ABCG4: variants seen among roughly 807,000 people sequenced by gnomAD.
The protein encoded by ABCG4 is ATP-binding cassette sub-family G member 4.
In ABCG4, 35 loss-of-function variants were observed where a neutral mutation model predicts 64.6. The observed-to-expected ratio is 0.54, with a 90% confidence interval of 0.41 to 0.72. The LOEUF is 0.72. ABCG4 is among the 30% of genes least tolerant of loss of function. The pLI, the probability that ABCG4 is intolerant of heterozygous loss-of-function variation, is 0.00. For missense variants in ABCG4, 610 were observed against 846.3 expected (o/e 0.72, Z 3.46); for synonymous variants, 326 against 348.2 (o/e 0.94, Z 0.71).
At position 119,149,843 on chromosome 11, in the gene ABCG4, C is replaced by T; in HGVS notation, c.-12-111C>T. ...GAGTGCGGGGCTAACAGTCGCGGAT[C>T]TGCCCCGAGAAGGAGGTGGGCAGTG... is the stretch of plus-strand genomic sequence containing the variant. On this transcript the variant is annotated intron_variant, in intron 1 of 14. Transcript: ENST00000619701. The surrounding 1 kb of genome is among the most constrained non-coding windows in gnomAD (Gnocchi z 8.3). The T allele has an allele frequency of 7.0e-7, 1 of 1,436,706 alleles. No homozygotes were observed. The highest frequency in any genetic ancestry group is 1.4e-5 in the South Asian group (1 of 72,598). The allele number at this position is 1,436,706 out of a possible 1,614,324, so 89.0% of individuals were successfully genotyped here.
rs1948291849 is a variant in ABCG4 at position 119,158,170 on chromosome 11, G to A, written c.1069-64G>A. Reference sequence around the variant, plus strand: ...AGCTCTGAGGTTTTTCATTCACTGAGCTGGGTGTTCTGTGGGTGAATGGGG... The same window carrying A: ...AGCTCTGAGGTTTTTCATTCACTGAACTGGGTGTTCTGTGGGTGAATGGGG... On this transcript the variant is annotated intron_variant, in intron 9 of 14. Transcript: ENST00000619701. The surrounding 1 kb of genome is among the most constrained non-coding windows in gnomAD (Gnocchi z 4.5). The A allele has an allele frequency of 2.2e-6, 3 of 1,344,268 alleles. No homozygotes were observed. Among genetic ancestry groups the A allele is most frequent in the Non-Finnish European group, 3.1e-6 (3 of 975,356 alleles). The allele number at this position is 1,344,268 out of a possible 1,614,324, so 83.3% of individuals were successfully genotyped here. A position where few individuals can be genotyped will look rare whatever the true frequency, so the allele number is the denominator to read the frequency against.
Position 119,156,890 on chromosome 11 carries a change from G to C in ABCG4, c.944G>C (p.Gly315Ala), listed in dbSNP as rs1156740857. 6.2e-7 allele frequency: 1 copy of C among 1,611,496 alleles called. No homozygotes were observed. The highest frequency in any genetic ancestry group is 1.3e-5 in the African/African-American group (1 of 74,784). ...PADFIIEVAS[G>A]EYGDLNPMLF... ...TCCCCAGTCATCGAGGTGGCCTCTG[G>C]CGAGTATGGAGACCTGAACCCCATG... is the stretch of plus-strand genomic sequence containing the variant. Residue 315 changes from glycine to alanine, a missense_variant, in exon 9 of 15, where the codon GGC becomes GCC. Physicochemically the swap from Gly to Ala is moderately conservative, Grantham distance 60. Transcript: ENST00000619701. This position sits in a 1 kb window ranked among gnomAD's most constrained non-coding sequence, Gnocchi z 5.5.
chr11:119,159,960 T>C (rs546936342), intron 12 of ABCG4, among the ~76,000 whole-genome samples: 13 of 151,972 alleles, frequency 8.6e-5, no homozygotes, highest in African/African-American at 2.9e-4. Context: ...GGAAGGACTT[T>C]AGGCGCTCAG....
Position 119,158,728 on chromosome 11 carries a change from G to A in ABCG4, c.1336+3G>A. The A allele has an allele frequency of 6.2e-7, 1 of 1,614,136 alleles. No individual in the cohort carries two copies. Among genetic ancestry groups the A allele is most frequent in the Non-Finnish European group, 8.5e-7 (1 of 1,180,020 alleles). ...CCTCATGCCAACTGTGCTCACCTGT[G>A]AGCTGAGCTGCCCTGGGCATGGGGC... On this transcript the variant is annotated splice_donor_region_variant and intron_variant, in intron 11 of 14. Transcript: ENST00000619701. This position sits in a 1 kb window ranked among gnomAD's most constrained non-coding sequence, Gnocchi z 4.5.
At chr11:119,157,364 T>C (rs1258353110) in intron 9 of ABCG4, among the ~76,000 whole-genome samples, 1 of 152,190 alleles carries the variant, frequency 6.6e-6, no homozygotes. Context: ...AACTTAGAGA[T>C]GATGATACTC....
At position 119,158,453 on chromosome 11, in the gene ABCG4, G is replaced by C. The variant is rs772400069; in HGVS notation, c.1168-104G>C. ...CACAGCCCTGCAATGTGCCTGTGGG[G>C]TCTCTGTGCCTGTGAGGGCAGCTCC... On this transcript the variant is annotated intron_variant, in intron 10 of 14. Transcript: ENST00000619701. The surrounding 1 kb of genome is among the most constrained non-coding windows in gnomAD (Gnocchi z 4.5). 5 of 1,562,544 alleles carry C rather than the reference G, an allele frequency of 3.2e-6. No individual in the cohort carries two copies. The African/African-American group carries it at 5.4e-5, about 17-fold the overall frequency.
intron 9 of ABCG4, 31 bp downstream of exon 9, chr11:119,157,045 A>C: frequency 6.4e-7 from 1 of 1,568,334 alleles, no homozygotes; most frequent in African/African-American, 1.4e-5. Context: ...CAGAGCAGGC[A>C]TAGTTGGGGA....
Position 119,150,251 on chromosome 11 carries a change from C to A in ABCG4, c.238+48C>A. On this transcript the variant is annotated intron_variant, in intron 2 of 14. Transcript: ENST00000619701. This position sits in a 1 kb window ranked among gnomAD's most constrained non-coding sequence, Gnocchi z 4.3. ...GAGTCCGTGGGCCCTCTCTGAGTTG[C>A]CTCTCCAGAAGCATGAGGCCTGGGT... The A allele has an allele frequency of 1.3e-6, 2 of 1,589,676 alleles. No homozygotes were observed. Among genetic ancestry groups the A allele is most frequent in the South Asian group, 2.2e-5 (2 of 89,262 alleles).
intron 2 of ABCG4, among the ~76,000 whole-genome samples, chr11:119,151,335 C>T (rs565838631): frequency 6.6e-6 from 1 of 152,322 alleles, no homozygotes; most frequent in East Asian, 1.9e-4. Context: ...CCTCACCTGG[C>T]CCTTCCCTCC....
Position 119,161,010 on chromosome 11 carries a change from G to A in ABCG4, c.1845G>A (p.Lys615=), listed in dbSNP as rs1948343926. 2 of 1,614,112 alleles carry A rather than the reference G, an allele frequency of 1.2e-6. No homozygotes were observed. Among genetic ancestry groups the A allele is most frequent in the South Asian group, 2.2e-5 (2 of 91,088 alleles). The stretch of plus-strand genomic sequence containing the variant: ...GAGCGCTGGATGTGGAGGATGCCAA[G>A]CTCTACATGGACTTCCTGGTCTTGG... ...ILRALDVEDA[K]LYMDFLVLGI... Residue 615 remains lysine, a synonymous_variant, in exon 15 of 15, where the codon AAG becomes AAA. Transcript: ENST00000619701.
chr11:119,150,342 C>A lies in ABCG4; in HGVS notation c.238+139C>A. ...AAACACTAAAATCTGGGCCCCAGCC[C>A]GTTGCTCACTGTGCACTCTTGGGGT... On this transcript the variant is annotated intron_variant, in intron 2 of 14. Transcript: ENST00000619701. This position sits in a 1 kb window ranked among gnomAD's most constrained non-coding sequence, Gnocchi z 4.3. 8.1e-7 allele frequency: 1 copy of A among 1,239,218 alleles called. No homozygotes were observed. Among genetic ancestry groups the A allele is most frequent in the East Asian group, 2.4e-5 (1 of 42,032 alleles). 76.8% of individuals were successfully genotyped at this position (1,239,218 alleles called of 1,614,324 possible). A position where few individuals can be genotyped will look rare whatever the true frequency, so the allele number is the denominator to read the frequency against.
rs1285350333 is a variant in ABCG4 at position 119,150,796 on chromosome 11, G to A, written c.238+593G>A. ...GAAGCCCGGTTTCCCAGCTCTCCAT[G>A]CATTGTTCCTTTCTCTCTCTTCCCT... On this transcript the variant is annotated intron_variant, in intron 2 of 14. Transcript: ENST00000619701. This position sits in a 1 kb window ranked among gnomAD's most constrained non-coding sequence, Gnocchi z 4.3. 6.6e-6 allele frequency among the ~76,000 whole-genome samples: 1 copy of A among 152,126 alleles called. No homozygotes were observed. The highest frequency in any genetic ancestry group is 2.4e-5 in the African/African-American group (1 of 41,414).
chr11:119,160,701 G>A lies in ABCG4; in HGVS notation c.1715+45G>A. 1.9e-6 allele frequency: 3 copies of A among 1,574,366 alleles called. No individual in the cohort carries two copies. The highest frequency in any genetic ancestry group is 2.6e-6 in the Non-Finnish European group (3 of 1,144,412). ...TCGTTGGCCTCTGCTCCTCCCTGGA[G>A]GAGTCCATACCCAGGGCTTCCTGGG... is the stretch of plus-strand genomic sequence containing the variant. On this transcript the variant is annotated intron_variant, in intron 14 of 14. Coordinates refer to ENST00000619701, the MANE Select transcript of ABCG4 (RefSeq NM_022169.5). This position sits in a 1 kb window ranked among gnomAD's most constrained non-coding sequence, Gnocchi z 4.6.
chr11:119,156,485 C>T lies in ABCG4; in HGVS notation c.810+33C>T. 6.2e-7 allele frequency: 1 copy of T among 1,614,156 alleles called. No individual in the cohort carries two copies. Among genetic ancestry groups the T allele is most frequent in the Non-Finnish European group, 8.5e-7 (1 of 1,180,020 alleles). On this transcript the variant is annotated intron_variant, in intron 7 of 14. Transcript: ENST00000619701. The surrounding 1 kb of genome is among the most constrained non-coding windows in gnomAD (Gnocchi z 5.5). ...TCTCCAGGCCTCAAGGAGGATTGGC[C>T]TGAGATGGAGGGATGGAAGGGGGTC...
Position 119,154,771 on chromosome 11 carries a change from T to G in ABCG4, c.542T>G (p.Val181Gly). The G allele has an allele frequency of 6.2e-7, 1 of 1,607,780 alleles. No individual in the cohort carries two copies. The highest frequency in any genetic ancestry group is 8.5e-7 in the Non-Finnish European group (1 of 1,175,024). Reference sequence around the variant, plus strand: ...CTGGCATGGGTGGGGTGGGGCCAGGTGACAGAGATCCTGACGGCACTGGGC... The same window carrying G: ...CTGGCATGGGTGGGGTGGGGCCAGGGGACAGAGATCCTGACGGCACTGGGC... ...SEKQEVKKELVTEILTALGLM... is the reference protein window; with the variant it reads ...SEKQEVKKELGTEILTALGLM... Residue 181 changes from valine (V) to glycine (G), a missense_variant and splice_region_variant, in exon 6 of 15, where the codon GTG becomes GGG. Physicochemically the swap from Val to Gly is moderately radical, Grantham distance 109. Coordinates refer to ENST00000619701, the MANE Select transcript of ABCG4 (RefSeq NM_022169.5). This position sits in a 1 kb window ranked among gnomAD's most constrained non-coding sequence, Gnocchi z 7.0.
Position 119,156,264 on chromosome 11 carries a change from C to G in ABCG4, c.687-65C>G. The G allele has an allele frequency of 6.2e-7, 1 of 1,609,500 alleles. No homozygotes were observed. The highest frequency in any genetic ancestry group is 8.5e-7 in the Non-Finnish European group (1 of 1,176,888). ...CCCCTTCACAGCAGCTGCCCCGCCC[C>G]AGACACTCCCTTCTTTTGGCCTCAC... On this transcript the variant is annotated intron_variant, in intron 6 of 14. Transcript: ENST00000619701. The surrounding 1 kb of genome is among the most constrained non-coding windows in gnomAD (Gnocchi z 5.5).
chr11:119,157,273 G>A (rs769028014), intron 9 of ABCG4, among the ~76,000 whole-genome samples: 18 of 152,308 alleles, frequency 1.2e-4, no homozygotes, highest in Non-Finnish European at 1.6e-4. Context: ...TGCTGTCCTC[G>A]GTCCTGGCAT....
chr11:119,153,018 TGTTTG>T (rs1423701390), intron 2 of ABCG4: 1 of 152,278 alleles, frequency 6.6e-6, no homozygotes, highest in Non-Finnish European at 1.5e-5. Context: ...TTTTATCCAG[TGTTTG>T]GTACAGAGCT....
rs1222516962 is a variant in ABCG4, at chr11:119,149,180, C to A, written c.-196C>A. On this transcript the variant is annotated 5_prime_UTR_variant, in exon 1 of 15. Transcript: ENST00000619701. This position sits in a 1 kb window ranked among gnomAD's most constrained non-coding sequence, Gnocchi z 8.3. ...ACCATCCTTGCCGTCTCCTCCGAGC[C>A]GAGGGCCGGCCCTCCTGCCTCGCCT... The A allele has an allele frequency of 6.6e-6, 1 of 151,904 alleles. No individual in the cohort carries two copies. Among genetic ancestry groups the A allele is most frequent in the Non-Finnish European group, 1.5e-5 (1 of 67,922 alleles). 9.4% of individuals were successfully genotyped at this position (151,904 alleles called of 1,614,324 possible).
Sources: gnomAD v4.1 joint callset for allele counts (sites outside exome capture counted in the v4.1 genomes callset) on GRCh38, gnomAD v4.1.1 for gene constraint, Gnocchi (gnomAD v3.1) non-coding constraint, MANE v1.5 for transcripts, NCBI Gene and HGNC (gene_info 2026-07-23, HGNC 2026-07-21) for gene names.